The following MALRD1 variants were observed in gnomAD, a reference collection of about 807,000 sequenced individuals.
MALRD1 encodes MAM and LDL-receptor class A domain-containing protein 1.
In MALRD1, 247 loss-of-function variants were observed where a neutral mutation model predicts 242.1. That is an observed-to-expected ratio of 1.02 (90% CI 0.92 to 1.13). The LOEUF (loss-of-function observed/expected upper bound fraction) is 1.13. Among genes scored for constraint, MALRD1 ranks in the 50% most tolerant of loss-of-function variants. MALRD1 has a pLI of 0.00. For synonymous variants in MALRD1, 995 were observed against 866.6 expected, an observed-to-expected ratio of 1.15 and a Z score of -2.60; for missense variants, 2,989 against 2,533.1, an observed-to-expected ratio of 1.18 and a Z score of -3.86.
At chr10:19,602,196 C>CTTTTTTTTT (rs35846232) in intron 34 of MALRD1, among the ~76,000 whole-genome samples, 4 of 113,252 alleles carry the variant, frequency 3.5e-5, no homozygotes, top group Non-Finnish European at 5.3e-5. Flanking sequence ...GTAGCATAGT[C>CTTTTTTTTT]TTTTTTTTTT....
intron 5 of MALRD1, among the ~76,000 whole-genome samples, chr10:19,121,975 C>G (rs1030444372): frequency 6.6e-6 from 1 of 152,118 alleles, no homozygotes; most frequent in African/African-American, 2.4e-5. Context: ...GTCATGAATA[C>G]GAAGTCATTT....
At chr10:19,467,781 A>C (rs993303354) in intron 29 of MALRD1, among the ~76,000 whole-genome samples, 1 of 126,508 alleles carries the variant, frequency 7.9e-6, no homozygotes, top group Non-Finnish European at 1.6e-5. Flanking sequence ...TACTTTTTAA[A>C]TTTTTTTTTA....
intron 29 of MALRD1, among the ~76,000 whole-genome samples, chr10:19,469,391 T>G (rs919917311): frequency 6.6e-6 from 1 of 152,114 alleles, no homozygotes; most frequent in African/African-American, 2.4e-5. Context: ...CTGATTGTAT[T>G]GCTAAATAAT....
chr10:19,596,349 G>A (rs553003887), intron 34 of MALRD1, among the ~76,000 whole-genome samples: 1 of 152,118 alleles, frequency 6.6e-6, no homozygotes, highest in East Asian at 1.9e-4. Flanking sequence ...GATGAGTGCT[G>A]CAGTGATAGT....
chr10:19,194,080 A>C (rs10827039), intron 14 of MALRD1, among the ~76,000 whole-genome samples: 25,372 of 152,022 alleles, frequency 0.17, 2,301 homozygotes, highest in Non-Finnish European at 0.2. Flanking sequence ...AACCCACCTC[A>C]TATCACCATA....
chr10:19,440,438 G>A (rs893003725), intron 28 of MALRD1, among the ~76,000 whole-genome samples: 2 of 151,860 alleles, frequency 1.3e-5, no homozygotes, highest in African/African-American at 4.8e-5. Flanking sequence ...TTGGTGTGCT[G>A]CACTCATTAA....
chr10:19,412,472 G>A (rs1057462480), intron 28 of MALRD1, among the ~76,000 whole-genome samples: 8 of 152,160 alleles, frequency 5.3e-5, no homozygotes, highest in Admixed American at 1.3e-4. Flanking sequence ...GGGCTGAAAC[G>A]TCTCTGATAT....
chr10:19,355,858 T>TA (rs57813656), intron 26 of MALRD1, among the ~76,000 whole-genome samples: 7,323 of 94,084 alleles, frequency 0.078, 633 homozygotes, highest in Middle Eastern at 0.12. Flanking sequence ...TATATATATA[T>TA]TATATATGAT....
rs1345613921 is a variant in MALRD1, at chr10:19,238,479, TAC to T, written c.2992-19203_2992-19202del. Among the ~76,000 whole-genome samples, 3 of 27,748 alleles carry T rather than the reference TAC, an allele frequency of 1.1e-4. 1 individual carries two copies. The highest frequency in any genetic ancestry group is 7.3e-4 in the African/African-American group (3 of 4,130). 18.2% of individuals were successfully genotyped at this position (27,748 alleles called of 152,430 possible). ...ATAATATATAATATAATATATAATA[TAC>T]ATTATATATAATATATAATATAATA... On this transcript the variant is annotated intron_variant, in intron 18 of 39. Transcript: ENST00000454679.
At chr10:19,481,354 T>G (rs996672755) in intron 29 of MALRD1, among the ~76,000 whole-genome samples, 3 of 152,186 alleles carry the variant, frequency 2.0e-5, no homozygotes. Context: ...CTTTTGAACT[T>G]AAGATAGACT....
intron 29 of MALRD1, among the ~76,000 whole-genome samples, chr10:19,474,355 A>G (rs930108423): frequency 4.6e-5 from 7 of 152,186 alleles, no homozygotes; most frequent in African/African-American, 1.4e-4. Context: ...CCTATTTCCA[A>G]TGTACATCCA....
At chr10:19,255,427 T>C (rs1452862982) in intron 18 of MALRD1, among the ~76,000 whole-genome samples, 2 of 152,072 alleles carry the variant, frequency 1.3e-5, no homozygotes, top group Non-Finnish European at 2.9e-5. Flanking sequence ...CTTTTTGTGG[T>C]CATTTTCTCA....
At chr10:19,475,935 C>T (rs1040862270) in intron 29 of MALRD1, among the ~76,000 whole-genome samples, 1 of 152,156 alleles carries the variant, frequency 6.6e-6, no homozygotes, top group Admixed American at 6.6e-5. Flanking sequence ...TTTCCTTGAA[C>T]GTGGGATTGT....
At chr10:19,513,620 C>T (rs930439641) in intron 31 of MALRD1, among the ~76,000 whole-genome samples, 6 of 151,648 alleles carry the variant, frequency 4.0e-5, no homozygotes, top group Non-Finnish European at 8.8e-5. Context: ...GTGCCTGTAG[C>T]CCCAGCTACT....
chr10:19,237,127 C>A (rs1838355345), intron 18 of MALRD1, among the ~76,000 whole-genome samples: 1 of 151,758 alleles, frequency 6.6e-6, no homozygotes, highest in Non-Finnish European at 1.5e-5. Context: ...TTTATCATTT[C>A]TTTTTAATAA....
At chr10:19,636,169 T>G (rs1487175914) in intron 36 of MALRD1, among the ~76,000 whole-genome samples, 2 of 152,266 alleles carry the variant, frequency 1.3e-5, no homozygotes, top group South Asian at 2.1e-4. Flanking sequence ...CTCAGGACAA[T>G]AGGTATCAGA....
At chr10:19,532,269 G>A (rs921863091) in intron 32 of MALRD1, among the ~76,000 whole-genome samples, 9 of 152,054 alleles carry the variant, frequency 5.9e-5, no homozygotes, top group African/African-American at 1.9e-4. Context: ...GTGGGGGGCA[G>A]GGAGAGACAG....
At chr10:19,537,178 A>G (rs1807318381) in intron 32 of MALRD1, among the ~76,000 whole-genome samples, 1 of 152,160 alleles carries the variant, frequency 6.6e-6, no homozygotes, top group African/African-American at 2.4e-5. Context: ...TATTCTAAAA[A>G]CCATGGGAAG....
At chr10:19,157,468 C>T (rs759055004) in intron 12 of MALRD1, among the ~76,000 whole-genome samples, 6 of 151,844 alleles carry the variant, frequency 4.0e-5, no homozygotes, top group African/African-American at 7.3e-5. Context: ...AGGATGGTCT[C>T]GATCTCCTGA....
Sources: gnomAD v4.1 joint callset for allele counts (sites outside exome capture counted in the v4.1 genomes callset) on GRCh38, gnomAD v4.1.1 for gene constraint, MANE v1.5 for transcripts, NCBI Gene and HGNC (gene_info 2026-07-23, HGNC 2026-07-21) for gene names.